Variants in ICE2 observed in about 807,000 individuals in gnomAD.
ICE2 encodes the protein interactor of little elongation complex ELL subunit 2.
In ICE2, 87 loss-of-function variants were observed where a neutral mutation model predicts 105.4. The observed-to-expected ratio is 0.83, with a 90% CI of 0.69 to 0.99. The LOEUF (loss-of-function observed/expected upper bound fraction) is 0.99, where lower values mean the gene tolerates loss of function less well. Ranked by LOEUF, ICE2 falls within the 50% of genes least tolerant of loss-of-function variation. The pLI is 0.00. For missense variants in ICE2, 1,323 were observed against 1,146.7 expected (o/e 1.15, Z -2.22); for synonymous variants, 399 against 392.0 (o/e 1.02, Z -0.21).
chr15:60,468,398 A>G (rs1595816682), intron 3 of ICE2, 76 bp from the exon 4 acceptor site: 1 of 1,122,374 alleles, frequency 8.9e-7, no homozygotes, highest in Non-Finnish European at 1.3e-6. Flanking sequence ...ATGATTCTCA[A>G]TCACCAGGGA....
intron 14 of ICE2, 151 bp downstream of exon 14, chr15:60,431,783 T>A: frequency 2.2e-6 from 1 of 455,362 alleles, no homozygotes; most frequent in African/African-American, 2.0e-5. Context: ...ACTTTATATT[T>A]TTACAATATA....
At chr15:60,437,025 G>A (rs891402541) in intron 12 of ICE2, among the ~76,000 whole-genome samples, 1 of 151,924 alleles carries the variant, frequency 6.6e-6, no homozygotes, top group East Asian at 1.9e-4. Context: ...GGCCGAGGCG[G>A]GCAGATCACC....
At chr15:60,446,420 G>C (rs8037119) in intron 11 of ICE2, among the ~76,000 whole-genome samples, 40,884 of 151,870 alleles carry the variant, frequency 0.27, 5,827 homozygotes, top group Middle Eastern at 0.45. Flanking sequence ...TTTTGAGATA[G>C]AGTCTCACTC....
At chr15:60,475,257 T>C (rs1305136649) in intron 3 of ICE2, among the ~76,000 whole-genome samples, 2 of 152,186 alleles carry the variant, frequency 1.3e-5, no homozygotes, top group Non-Finnish European at 2.9e-5. Context: ...AAAGAAGAGC[T>C]ACTACAGGCA....
chr15:60,465,776 G>C (rs1417487890), intron 5 of ICE2, among the ~76,000 whole-genome samples: 1 of 145,402 alleles, frequency 6.9e-6, no homozygotes, highest in Non-Finnish European at 1.5e-5. Context: ...TTTGAGACAG[G>C]GTATCGCTCT....
At chr15:60,461,700 G>C (rs1278752595) in intron 5 of ICE2, among the ~76,000 whole-genome samples, 1 of 152,092 alleles carries the variant, frequency 6.6e-6, no homozygotes, top group Non-Finnish European at 1.5e-5. Context: ...AGACATATGA[G>C]GTATTTTTCC....
At chr15:60,470,242 C>T (rs1188155277) in intron 3 of ICE2, among the ~76,000 whole-genome samples, 1 of 152,154 alleles carries the variant, frequency 6.6e-6, no homozygotes, top group Admixed American at 6.6e-5. Flanking sequence ...TAGATATGTA[C>T]ATCAACACAA....
intron 13 of ICE2, among the ~76,000 whole-genome samples, chr15:60,435,572 C>T (rs1319199764): frequency 2.0e-5 from 3 of 148,472 alleles, no homozygotes; most frequent in Admixed American, 2.0e-4. Flanking sequence ...GCACTCTAGC[C>T]TGGGCAAAAA....
At chr15:60,451,966 A>C (rs2141073767) in intron 9 of ICE2, 1 of 489,530 alleles carries the variant, frequency 2.0e-6, no homozygotes, top group Middle Eastern at 1.1e-3. Flanking sequence ...GATACTTCTA[A>C]GAAAGACATT....
In ICE2 at chr15:60,450,038, G is replaced by A. The variant is rs2063925380; in HGVS notation, c.1126-197C>T. ...ATTAACCTCATCTTCCCACTGATAT[G>A]TTCATGATAACAGGCAAATTTGCCA... On this transcript the variant is annotated intron_variant, in intron 9 of 15. Transcript: ENST00000261520. Among the ~76,000 whole-genome samples the A allele has an allele frequency of 3.3e-5, 5 of 152,112 alleles. No individual in the cohort carries two copies. The South Asian group carries it at 1.0e-3, about 32-fold the overall frequency.
chr15:60,423,472 T>C lies in ICE2; in HGVS notation c.*162A>G. On this transcript the variant is annotated 3_prime_UTR_variant, in exon 16 of 16. Coordinates refer to ENST00000261520, the MANE Select transcript of ICE2 (RefSeq NM_024611.6). ...GGGTGAAAAGCATACCATTCCATTTTAGTTGAAATATTCCTTCACATAGCC... is the reference window on the plus strand; with the variant it reads ...GGGTGAAAAGCATACCATTCCATTTCAGTTGAAATATTCCTTCACATAGCC... The C allele has an allele frequency of 1.9e-6, 1 of 529,048 alleles. No homozygotes were observed. The highest frequency in any genetic ancestry group is 3.1e-5 in the South Asian group (1 of 32,372). The allele number at this position is 529,048 out of a possible 1,614,324, so 32.8% of individuals were successfully genotyped here.
chr15:60,455,333 A>T lies in ICE2; in HGVS notation c.776T>A (p.Met259Lys), dbSNP rs2064075781. Residue 259 changes from methionine (M) to lysine (K), a missense_variant, in exon 7 of 16, where the codon ATG becomes AAG. Met to Lys is a moderately conservative substitution (Grantham distance 95, BLOSUM62 -1). Transcript: ENST00000261520. The stretch of plus-strand genomic sequence containing the variant: ...TGTTGCCTTGGTACTTACATAATGC[A>T]TAGCTTCAGCTGTTTGTTCTGACGT... Reference protein sequence around the residue: ...IETSEQTAEAMHYDISKDPNA... With the variant: ...IETSEQTAEAKHYDISKDPNA... 1 of 1,611,352 alleles carries T rather than the reference A, an allele frequency of 6.2e-7. No individual in the cohort carries two copies. The highest frequency in any genetic ancestry group is 2.2e-5 in the East Asian group (1 of 44,840).
chr15:60,466,931 T>C (rs2064447324), intron 4 of ICE2, among the ~76,000 whole-genome samples: 2 of 152,156 alleles, frequency 1.3e-5, no homozygotes, highest in African/African-American at 2.4e-5. Flanking sequence ...GACTATACAA[T>C]ACATGCTCAG....
chr15:60,442,530 C>T lies in ICE2; in HGVS notation c.2311G>A (p.Val771Ile), dbSNP rs765481847. Residue 771 changes from valine to isoleucine, a missense_variant, in exon 12 of 16, where the codon GTA becomes ATA. Transcript: ENST00000261520. ...GCTTGATACTCTACTTTTGGTAGTA[C>T]ATAAACTGGAAATTGCTGCAATGCA... ...KKIRRQFPVY[V>I]LPKVEYQACY... 6.4e-7 allele frequency: 1 copy of T among 1,568,152 alleles called. No individual in the cohort carries two copies. Among genetic ancestry groups the T allele is most frequent in the Non-Finnish European group, 8.6e-7 (1 of 1,167,084 alleles).
intron 4 of ICE2, 97 bp from the exon 5 acceptor site, chr15:60,466,810 T>C (rs1167046511): frequency 6.8e-5 from 68 of 1,000,352 alleles, no homozygotes; most frequent in Non-Finnish European, 8.0e-5. Context: ...ACTTAAAGAA[T>C]AATTAAAGTA....
chr15:60,453,603 G>A lies in ICE2; in HGVS notation c.1125C>T (p.Asp375=), dbSNP rs149272595. The A allele has an allele frequency of 2.5e-5, 40 of 1,612,252 alleles. No individual in the cohort carries two copies. Among genetic ancestry groups the A allele is most frequent in the South Asian group, 1.2e-4 (11 of 90,880 alleles). Residue 375 remains aspartate (D), a splice_region_variant and synonymous_variant, in exon 9 of 16, where the codon GAC becomes GAT. Transcript: ENST00000261520. ...AGGGGAAAAAAAAAGCATTACATACGTCCATTTCAGATATAAACTCTTCAG... is the reference window on the plus strand; with the variant it reads ...AGGGGAAAAAAAAAGCATTACATACATCCATTTCAGATATAAACTCTTCAG... The part of the protein sequence containing the change: ...DKPEEFISEM[D]MSCEVNECRK...
chr15:60,428,440 T>C lies in ICE2; in HGVS notation c.2809A>G (p.Thr937Ala), dbSNP rs779625188. 3.1e-6 allele frequency: 5 copies of C among 1,613,360 alleles called. No individual in the cohort carries two copies. The highest frequency in any genetic ancestry group is 2.2e-5 in the East Asian group (1 of 44,872). ...AAAAAAGATCTTACCTTTTGTTGTG[T>C]TGTGGTATCCAGTGATTTCGGTGGA... Reference protein sequence around the residue: ...TFPPKSLDTTTQQKIGGTRMP... With the variant: ...TFPPKSLDTTAQQKIGGTRMP... Residue 937 changes from threonine to alanine, a missense_variant, in exon 15 of 16, where the codon ACA becomes GCA. By Grantham distance (58) the Thr-to-Ala change is moderately conservative (BLOSUM62 0). Coordinates refer to ENST00000261520, the MANE Select transcript of ICE2 (RefSeq NM_024611.6).
rs754903525 is a variant in ICE2, at chr15:60,466,628, T to C, written c.494A>G (p.Asn165Ser). 1 of 1,611,914 alleles carries C rather than the reference T, an allele frequency of 6.2e-7. No homozygotes were observed. Among genetic ancestry groups the C allele is most frequent in the East Asian group, 2.2e-5 (1 of 44,824 alleles). ...NSAKKCAQDY[N>S]MLSDDARLFT... The stretch of plus-strand genomic sequence containing the variant: ...GAGACGGGCATCATCAGAAAGCATA[T>C]TATAATCCTGCGCACATTTCTTTGC... Residue 165 changes from asparagine to serine, a missense_variant, in exon 5 of 16, where the codon AAT becomes AGT. Transcript: ENST00000261520.
At chr15:60,476,795 T>C (rs571174869) in intron 2 of ICE2, among the ~76,000 whole-genome samples, 1 of 152,198 alleles carries the variant, frequency 6.6e-6, no homozygotes, top group Non-Finnish European at 1.5e-5. Context: ...AATTAAAAAC[T>C]TGAAAACACT....
Sources: allele counts gnomAD v4.1 joint callset (sites outside exome capture counted in the v4.1 genomes callset), GRCh38; gene constraint gnomAD v4.1.1; transcripts MANE v1.5; gene names NCBI Gene and HGNC (gene_info 2026-07-23, HGNC 2026-07-21).